Variants in CREM observed in about 807,000 individuals in gnomAD.
CREM encodes the protein cAMP-responsive element modulator.
A neutral mutation model predicts 37.3 loss-of-function variants in CREM; 13 were observed. That is an observed-to-expected ratio of 0.35 (90% CI 0.23 to 0.55). CREM has a LOEUF of 0.55. CREM is among the 20% of genes least tolerant of loss of function. The pLI, the probability that CREM is intolerant of heterozygous loss-of-function variation, is 0.88. For missense variants in CREM, 296 were observed against 362.3 expected (o/e 0.82, Z 1.49); for synonymous variants, 124 against 120.2 (o/e 1.03, Z -0.21).
At chr10:35,163,944 T>C (rs1320986001) in intron 3 of CREM, among the ~76,000 whole-genome samples, 1 of 151,248 alleles carries the variant, frequency 6.6e-6, no homozygotes, top group Non-Finnish European at 1.5e-5. Context: ...TGCACTGCAC[T>C]CTAGCCTGGG....
intron 5 of CREM, chr10:35,179,671 T>C (rs2094268946): frequency 6.0e-6 from 1 of 166,028 alleles, no homozygotes; most frequent in South Asian, 2.0e-4. Flanking sequence ...TCTGAGAGTT[T>C]TCTAAAGTAT....
intron 6 of CREM, among the ~76,000 whole-genome samples, chr10:35,193,670 C>T (rs182327742): frequency 7.9e-5 from 12 of 152,298 alleles, no homozygotes; most frequent in African/African-American, 2.6e-4. Context: ...AACATGGACA[C>T]TCCCTGAAAC....
intron 6 of CREM, among the ~76,000 whole-genome samples, chr10:35,205,556 T>C (rs1272773997): frequency 1.3e-5 from 2 of 152,196 alleles, no homozygotes; most frequent in African/African-American, 4.8e-5. Flanking sequence ...ATATGGAGTA[T>C]AGGAAAATCT....
chr10:35,206,874 A>G (rs2134590808), intron 6 of CREM, 21 bp from the exon 7 acceptor site: 3 of 1,612,126 alleles, frequency 1.9e-6, no homozygotes, highest in African/African-American at 2.7e-5. Flanking sequence ...TATAAGCTCA[A>G]AATATTTTGT....
intron 5 of CREM, among the ~76,000 whole-genome samples, chr10:35,187,162 ATTATATATT>A: frequency 1.7e-5 from 1 of 59,666 alleles, no homozygotes; most frequent in Non-Finnish European, 3.2e-5. Flanking sequence ...TATAATATAT[ATTATATATT>A]AATATTAATA....
intron 1 of CREM, among the ~76,000 whole-genome samples, chr10:35,134,527 T>TAA (rs2090101685): frequency 6.6e-6 from 1 of 152,208 alleles, no homozygotes; most frequent in Non-Finnish European, 1.5e-5. Context: ...TCAACATTTT[T>TAA]AAGTGTTAAT....
At chr10:35,194,143 C>T (rs1184640882) in intron 6 of CREM, among the ~76,000 whole-genome samples, 1 of 117,760 alleles carries the variant, frequency 8.5e-6, no homozygotes, top group Non-Finnish European at 1.9e-5. Flanking sequence ...GTCTCAGTGG[C>T]ATGTCACTTA....
chr10:35,186,865 TTA>T (rs1427482362), intron 5 of CREM, among the ~76,000 whole-genome samples: 1 of 108,318 alleles, frequency 9.2e-6, no homozygotes, highest in Non-Finnish European at 1.7e-5. Flanking sequence ...TTATATATAA[TTA>T]TATATTATAT....
At position 35,211,977 on chromosome 10, in the gene CREM, A is replaced by T. The variant is rs2095670306; in HGVS notation, c.*579A>T. 1 of 561,838 alleles carries T rather than the reference A, an allele frequency of 1.8e-6. No homozygotes were observed. Among genetic ancestry groups the T allele is most frequent in the African/African-American group, 1.9e-5 (1 of 51,474 alleles). The allele number at this position is 561,838 out of a possible 1,614,324, so 34.8% of individuals were successfully genotyped here. A position where few individuals can be genotyped will look rare whatever the true frequency, so the allele number is the denominator to read the frequency against. ...AGTTAAGTCGTAGCTATAACTTCAA[A>T]TTTTTTAAAAGAGACAAACTGTAAA... On this transcript the variant is annotated 3_prime_UTR_variant, in exon 8 of 8. Transcript: ENST00000685392.
intron 2 of CREM, among the ~76,000 whole-genome samples, chr10:35,140,700 T>C (rs1400513017): frequency 6.6e-6 from 1 of 152,210 alleles, no homozygotes; most frequent in African/African-American, 2.4e-5. Flanking sequence ...TAACTAATTC[T>C]GCCCATGGCT....
intron 3 of CREM, among the ~76,000 whole-genome samples, chr10:35,150,466 A>G (rs2092514460): frequency 6.6e-6 from 1 of 152,044 alleles, no homozygotes; most frequent in African/African-American, 2.4e-5. Flanking sequence ...AAATATGGTA[A>G]TTTGCAATTC....
intron 6 of CREM, among the ~76,000 whole-genome samples, chr10:35,198,295 C>T (rs545314643): frequency 1.1e-4 from 17 of 152,078 alleles, no homozygotes; most frequent in East Asian, 3.9e-4. Flanking sequence ...GAGGCCAAGG[C>T]GGGCGGATCA....
intron 1 of CREM, among the ~76,000 whole-genome samples, chr10:35,134,825 G>T (rs1409676821): frequency 2.6e-5 from 4 of 152,120 alleles, no homozygotes; most frequent in African/African-American, 9.7e-5. Context: ...ATCACTTGAA[G>T]TCAGGGGTTC....
intron 3 of CREM, among the ~76,000 whole-genome samples, chr10:35,157,094 G>A (rs1276251320): frequency 6.6e-6 from 1 of 152,110 alleles, no homozygotes; most frequent in Non-Finnish European, 1.5e-5. Context: ...TTCAACATAT[G>A]CAAATCAGTA....
intron 3 of CREM, among the ~76,000 whole-genome samples, chr10:35,167,277 A>G (rs2093601671): frequency 6.6e-6 from 1 of 152,228 alleles, no homozygotes; most frequent in African/African-American, 2.4e-5. Context: ...CCCCTATAGA[A>G]CAGACTTTTG....
At chr10:35,145,843 A>G (rs2092045627) in intron 2 of CREM, among the ~76,000 whole-genome samples, 1 of 152,070 alleles carries the variant, frequency 6.6e-6, no homozygotes, top group Non-Finnish European at 1.5e-5. Flanking sequence ...TGACCTGCCA[A>G]TAAACTGTGT....
intron 3 of CREM, among the ~76,000 whole-genome samples, chr10:35,176,660 C>T (rs1428905996): frequency 3.3e-5 from 5 of 151,936 alleles, no homozygotes; most frequent in African/African-American, 9.7e-5. Context: ...CCGCCTGTCT[C>T]GGCTTCCCAA....
At chr10:35,175,052 T>G (rs2093986755) in intron 3 of CREM, among the ~76,000 whole-genome samples, 1 of 152,214 alleles carries the variant, frequency 6.6e-6, no homozygotes, top group African/African-American at 2.4e-5. Context: ...TTTTAGTTAT[T>G]ATGAGGGCAT....
At chr10:35,133,926 G>A (rs777757813) in intron 1 of CREM, among the ~76,000 whole-genome samples, 26 of 152,192 alleles carry the variant, frequency 1.7e-4, no homozygotes, top group Non-Finnish European at 4.4e-5. Flanking sequence ...ATGGAGAGCT[G>A]GAAATTGGTT....
Sources: allele counts gnomAD v4.1 joint callset (sites outside exome capture counted in the v4.1 genomes callset), GRCh38; gene constraint gnomAD v4.1.1; transcripts MANE v1.5; gene names NCBI Gene and HGNC (gene_info 2026-07-23, HGNC 2026-07-21).